The following CPT1A variants were observed in gnomAD, a reference collection of about 807,000 sequenced individuals.
The protein encoded by CPT1A is carnitine palmitoyltransferase 1A, also known as carnitine O-palmitoyltransferase 1, liver isoform.
In CPT1A, 64 loss-of-function variants were observed where a neutral mutation model predicts 100.8. The ratio of observed to expected loss-of-function variants is 0.63; its 90% CI spans 0.52 to 0.78. The LOEUF is 0.78. CPT1A is among the 30% of genes least tolerant of loss of function. The pLI is 0.00. For missense variants in CPT1A, 802 were observed against 1,034.1 expected (o/e 0.78, Z 3.08); for synonymous variants, 363 against 396.0 (o/e 0.92, Z 0.99).
intron 1 of CPT1A, among the ~76,000 whole-genome samples, chr11:68,817,450 C>A (rs1856460047): frequency 6.6e-6 from 1 of 152,152 alleles, no homozygotes; most frequent in African/African-American, 2.4e-5. Context: ...TGCACACCAG[C>A]AGAAAAGGTC....
In CPT1A at chr11:68,768,169, G is replaced by A. The variant is rs553215025; in HGVS notation, c.1740+5096C>T. Among the ~76,000 whole-genome samples the A allele has an allele frequency of 3.1e-3, 397 of 127,096 alleles. 1 individual carries two copies. Among genetic ancestry groups the A allele is most frequent in the Non-Finnish European group, 5.1e-3 (323 of 63,828 alleles). The allele number at this position is 127,096 out of a possible 152,430, so 83.4% of individuals were successfully genotyped here. A position where few individuals can be genotyped will look rare whatever the true frequency, so the allele number is the denominator to read the frequency against. ...CGGCTCACTGGAAGCTCCGCCTCCC[G>A]GGTTCACGCCATTCTCCTGCCTCAG... On this transcript the variant is annotated intron_variant, in intron 14 of 18. Coordinates refer to ENST00000265641, the MANE Select transcript of CPT1A (RefSeq NM_001876.4).
chr11:68,783,864 G>A lies in CPT1A; in HGVS notation c.1163+951C>T, dbSNP rs1044193119. 3.9e-5 allele frequency among the ~76,000 whole-genome samples: 6 copies of A among 152,272 alleles called. No homozygotes were observed. The South Asian group carries it at 1.2e-3, about 32-fold the overall frequency. Reference sequence around the variant, plus strand: ...CCTGCGAGAAAACCAAGCTCGGGCTGATTCGCTTTCTTTTTTATGTTTTGA... The same window carrying A: ...CCTGCGAGAAAACCAAGCTCGGGCTAATTCGCTTTCTTTTTTATGTTTTGA... On this transcript the variant is annotated intron_variant, in intron 10 of 18. Transcript: ENST00000265641.
chr11:68,829,976 C>T (rs1315875223), intron 1 of CPT1A, among the ~76,000 whole-genome samples: 6 of 152,164 alleles, frequency 3.9e-5, no homozygotes, highest in Non-Finnish European at 8.8e-5. Context: ...GGACACGAGC[C>T]CTGAAAGGCT....
chr11:68,839,363 A>T (rs1389094084), intron 1 of CPT1A, among the ~76,000 whole-genome samples: 2 of 152,016 alleles, frequency 1.3e-5, no homozygotes, highest in African/African-American at 2.4e-5. Context: ...CCCTTCCCCC[A>T]AGCCCCGGGC....
intron 14 of CPT1A, among the ~76,000 whole-genome samples, chr11:68,764,190 G>A (rs1265666310): frequency 6.6e-6 from 1 of 152,214 alleles, no homozygotes; most frequent in Non-Finnish European, 1.5e-5. Context: ...GGGAGGAACA[G>A]CATCTGCGTG....
intron 6 of CPT1A, among the ~76,000 whole-genome samples, 170 bp from the exon 7 acceptor site, chr11:68,797,103 C>A (rs1303020635): frequency 6.6e-6 from 1 of 152,044 alleles, no homozygotes; most frequent in Non-Finnish European, 1.5e-5. Flanking sequence ...AGATGGAATG[C>A]GACACCGTGG....
chr11:68,803,017 G>A (rs1021632429), intron 5 of CPT1A, among the ~76,000 whole-genome samples: 5 of 152,094 alleles, frequency 3.3e-5, no homozygotes, highest in Non-Finnish European at 7.3e-5. Flanking sequence ...TGCGGCTGCT[G>A]TGTCAAGAAG....
chr11:68,815,265 T>C (rs1428746272), intron 2 of CPT1A, 69 bp downstream of exon 2: 3 of 1,525,818 alleles, frequency 2.0e-6, no homozygotes, highest in Non-Finnish European at 2.7e-6. Flanking sequence ...TAGACCTCAA[T>C]AGCAGCCAGA....
At chr11:68,802,896 C>CAAA (rs901808584) in intron 5 of CPT1A, among the ~76,000 whole-genome samples, 12 of 44,908 alleles carry the variant, frequency 2.7e-4, no homozygotes, top group Non-Finnish European at 4.1e-4. Context: ...GACCCTGTCT[C>CAAA]AAAAAAAAAA....
intron 11 of CPT1A, among the ~76,000 whole-genome samples, chr11:68,781,524 G>A (rs1441698792): frequency 6.6e-6 from 1 of 152,218 alleles, no homozygotes; most frequent in East Asian, 1.9e-4. Context: ...GGAGGCTGAA[G>A]GAGGAGAATC....
At chr11:68,780,777 T>A in intron 11 of CPT1A, 32 bp from the exon 12 acceptor site, 1 of 1,589,304 alleles carries the variant, frequency 6.3e-7, no homozygotes, top group Non-Finnish European at 8.6e-7. Context: ...GGAACTTAAG[T>A]GTTTAAAGAG....
chr11:68,833,121 G>GATGTC (rs1281513487), intron 1 of CPT1A, among the ~76,000 whole-genome samples: 2 of 152,184 alleles, frequency 1.3e-5, no homozygotes, highest in African/African-American at 4.8e-5. Flanking sequence ...CAACATGCAT[G>GATGTC]ATGTCCAAGG....
At chr11:68,806,591 A>G (rs7119078) in intron 4 of CPT1A, among the ~76,000 whole-genome samples, 7,406 of 150,824 alleles carry the variant, frequency 0.049, 608 homozygotes, top group African/African-American at 0.17. Context: ...TGGTGCCACT[A>G]TACTCCAGCC....
chr11:68,794,160 A>C (rs370672732), intron 8 of CPT1A, among the ~76,000 whole-genome samples: 1 of 152,212 alleles, frequency 6.6e-6, no homozygotes, highest in Admixed American at 6.5e-5. Context: ...TGGGTGAAAG[A>C]AACTAGAATT....
chr11:68,830,656 C>T (rs1320105345), intron 1 of CPT1A, among the ~76,000 whole-genome samples: 1 of 152,240 alleles, frequency 6.6e-6, no homozygotes, highest in African/African-American at 2.4e-5. Context: ...CTCCCTGTCA[C>T]CTGCCCCTCC....
intron 1 of CPT1A, among the ~76,000 whole-genome samples, chr11:68,832,035 C>T (rs189745388): frequency 1.3e-5 from 2 of 152,264 alleles, no homozygotes; most frequent in Admixed American, 1.3e-4. Flanking sequence ...ATTTAATTCC[C>T]ACTAGCACCC....
chr11:68,831,439 G>A (rs779900393), intron 1 of CPT1A, among the ~76,000 whole-genome samples: 1 of 152,130 alleles, frequency 6.6e-6, no homozygotes, highest in Admixed American at 6.5e-5. Flanking sequence ...AACTTGATAC[G>A]TGACAACGGA....
At chr11:68,837,064 T>G (rs1327087526) in intron 1 of CPT1A, among the ~76,000 whole-genome samples, 1 of 152,124 alleles carries the variant, frequency 6.6e-6, no homozygotes, top group African/African-American at 2.4e-5. Context: ...TTCTTTTCTT[T>G]TTTGAGACGG....
intron 14 of CPT1A, among the ~76,000 whole-genome samples, chr11:68,764,437 G>T (rs1854725792): frequency 6.6e-6 from 1 of 152,210 alleles, no homozygotes; most frequent in African/African-American, 2.4e-5. Flanking sequence ...CCAGAAGAGG[G>T]TGCCAGAGGC....
Sources: gnomAD v4.1 joint callset for allele counts (sites outside exome capture counted in the v4.1 genomes callset) on GRCh38, gnomAD v4.1.1 for gene constraint, MANE v1.5 for transcripts, NCBI Gene and HGNC (gene_info 2026-07-23, HGNC 2026-07-21) for gene names.